The following ZNF469 variants were observed in gnomAD, a reference collection of about 807,000 sequenced individuals.
ZNF469 encodes the protein zinc finger protein 469.
A neutral mutation model predicts 1.0 loss-of-function variants in ZNF469; 1 was observed. That is an observed-to-expected ratio of 1.00 (90% CI 0.35 to 4.73). ZNF469 has a LOEUF of 4.73. ZNF469 is among the 30% of genes most tolerant of loss of function. The probability of loss-of-function intolerance (pLI) is 0.16; values close to 1 mark genes in which losing one functional copy is unlikely to be tolerated. For synonymous variants in ZNF469, 2,703 were observed against 2,363.4 expected, an observed-to-expected ratio of 1.14 and a Z score of -4.17; for missense variants, 6,100 against 5,356.3, an observed-to-expected ratio of 1.14 and a Z score of -4.33.
At chr16:88,339,770 G>A in the ZNF469 span, among the ~76,000 whole-genome samples, 1 of 94,174 alleles carries the variant, frequency 1.1e-5, no homozygotes, top group African/African-American at 4.1e-5. Context: ...GCAGGGGGAC[G>A]GGGGGACATG....
chr16:88,154,676 C>T, the ZNF469 span, among the ~76,000 whole-genome samples: 5 of 152,222 alleles, frequency 3.3e-5, no homozygotes, highest in Admixed American at 6.5e-5. Context: ...TGCTTAGACT[C>T]GCTATTTTGT....
At chr16:88,244,896 G>A in the ZNF469 span, among the ~76,000 whole-genome samples, 1 of 151,838 alleles carries the variant, frequency 6.6e-6, no homozygotes, top group Non-Finnish European at 1.5e-5. Context: ...GGAACTTGGT[G>A]CCAATGACAA....
chr16:88,106,267 C>T, the ZNF469 span, among the ~76,000 whole-genome samples: 20 of 152,172 alleles, frequency 1.3e-4, no homozygotes, highest in African/African-American at 3.9e-4. Flanking sequence ...TCCTCCATGC[C>T]GCTCCTGCGC....
At chr16:88,155,966 G>A in the ZNF469 span, among the ~76,000 whole-genome samples, 4 of 152,274 alleles carry the variant, frequency 2.6e-5, no homozygotes, top group East Asian at 3.9e-4. Flanking sequence ...GGTGCCTCTC[G>A]CATGATTGTG....
chr16:88,305,920 A>G, the ZNF469 span, among the ~76,000 whole-genome samples: 1 of 151,990 alleles, frequency 6.6e-6, no homozygotes, highest in Non-Finnish European at 1.5e-5. Flanking sequence ...CGATATTCTC[A>G]TGCACTCACA....
the ZNF469 span, among the ~76,000 whole-genome samples, chr16:88,324,649 A>G: frequency 3.3e-5 from 5 of 152,212 alleles, no homozygotes; most frequent in African/African-American, 4.8e-5. Flanking sequence ...GTGAGTGCAT[A>G]AGGGACTGTA....
chr16:88,300,588 C>A, the ZNF469 span, among the ~76,000 whole-genome samples: 1 of 151,942 alleles, frequency 6.6e-6, no homozygotes. Flanking sequence ...ACAAAGGGAG[C>A]CTCAGAGGTT....
At chr16:88,211,397 TC>T in the ZNF469 span, among the ~76,000 whole-genome samples, 1 of 152,266 alleles carries the variant, frequency 6.6e-6, no homozygotes, top group Non-Finnish European at 1.5e-5. Context: ...CCATGCTGGG[TC>T]ACGGACTCTT....
At chr16:88,284,868 C>CTG in the ZNF469 span, among the ~76,000 whole-genome samples, 3 of 152,256 alleles carry the variant, frequency 2.0e-5, no homozygotes, top group African/African-American at 7.2e-5. Flanking sequence ...TGAAAGGGGC[C>CTG]ATCTGTCCTC....
the ZNF469 span, among the ~76,000 whole-genome samples, chr16:88,199,093 A>G: frequency 2.0e-5 from 3 of 151,874 alleles, no homozygotes; most frequent in Admixed American, 6.6e-5. Context: ...TTCCCATTCC[A>G]CCGTGACCTG....
chr16:88,114,257 G>GGA, the ZNF469 span, among the ~76,000 whole-genome samples: 3,300 of 140,848 alleles, frequency 0.023, 449 homozygotes, highest in East Asian at 0.1. Flanking sequence ...CTCACTGCGG[G>GGA]TGTCTCCGGG....
the ZNF469 span, among the ~76,000 whole-genome samples, chr16:88,377,340 G>A: frequency 0.069 from 10,545 of 152,290 alleles, 511 homozygotes; most frequent in African/African-American, 0.14. Context: ...CCATGGGCCC[G>A]GTGGCTTCCG....
At chr16:88,174,347 G>A in the ZNF469 span, among the ~76,000 whole-genome samples, 1 of 152,186 alleles carries the variant, frequency 6.6e-6, no homozygotes, top group Non-Finnish European at 1.5e-5. Flanking sequence ...CTTACATGAA[G>A]CAAAACTTGA....
the ZNF469 span, among the ~76,000 whole-genome samples, chr16:88,299,075 TG>T: frequency 3.5e-5 from 4 of 115,868 alleles, no homozygotes; most frequent in Non-Finnish European, 5.4e-5. Flanking sequence ...TGCAAGCCAA[TG>T]GGGGGCAGGG....
chr16:88,368,202 C>T, the ZNF469 span, among the ~76,000 whole-genome samples: 5 of 152,242 alleles, frequency 3.3e-5, no homozygotes, highest in African/African-American at 4.8e-5. Flanking sequence ...TCCTTCTGGA[C>T]AGTGACCGGG....
chr16:88,120,854 G>A, the ZNF469 span, among the ~76,000 whole-genome samples: 1 of 152,198 alleles, frequency 6.6e-6, no homozygotes, highest in Non-Finnish European at 1.5e-5. Context: ...TGTGAGCCCC[G>A]GCTGGCTGCG....
At chr16:88,284,889 C>T in the ZNF469 span, among the ~76,000 whole-genome samples, 1 of 152,266 alleles carries the variant, frequency 6.6e-6, no homozygotes, top group African/African-American at 2.4e-5. Flanking sequence ...TACCAGCTGG[C>T]ACTCTGGGAG....
Position 88,433,360 on chromosome 16 carries a change from G to A in ZNF469, c.5890G>A (p.Val1964Met), listed in dbSNP as rs1008750904. The A allele has an allele frequency of 6.5e-7, 1 of 1,550,308 alleles. No individual in the cohort carries two copies. Among genetic ancestry groups the A allele is most frequent in the South Asian group, 1.2e-5 (1 of 84,064 alleles). Reference sequence around the variant, plus strand: ...CCAGGGCTCCCCAGGGGGTGTGCAGGTGACAACTCTCCCTGCAGTGGCCGG... The same window carrying A: ...CCAGGGCTCCCCAGGGGGTGTGCAGATGACAACTCTCCCTGCAGTGGCCGG... ...PAQGSPGGVQ[V>M]TTLPAVAGHQ... Residue 1964 changes from valine to methionine, a missense_variant, in exon 3 of 3, where the codon GTG becomes ATG. Transcript: ENST00000565624.
At chr16:88,393,015 G>A (rs956172999) in intron 1 of ZNF469, among the ~76,000 whole-genome samples, 5 of 152,262 alleles carry the variant, frequency 3.3e-5, no homozygotes, top group Non-Finnish European at 7.3e-5. Context: ...GCCTCAGAGC[G>A]TGGATGTGGG....
Sources: allele counts gnomAD v4.1 joint callset (sites outside exome capture counted in the v4.1 genomes callset), GRCh38; gene constraint gnomAD v4.1.1; transcripts MANE v1.5; gene names NCBI Gene and HGNC (gene_info 2026-07-23, HGNC 2026-07-21).